Variants in CCDC138 observed in about 807,000 individuals in gnomAD.
The protein encoded by CCDC138 is coiled-coil domain-containing protein 138.
CCDC138 carries 66 observed loss-of-function variants against 82.3 expected under a neutral mutation model. That is an observed-to-expected ratio of 0.80 (90% CI 0.66 to 0.98). The LOEUF is 0.98. Among genes scored for constraint, CCDC138 ranks in the 50% least tolerant of loss-of-function variants. The pLI is 0.00. For missense variants in CCDC138, 816 were observed against 758.9 expected, an observed-to-expected ratio of 1.08 and a Z score of -0.88; for synonymous variants, 297 against 265.4, an observed-to-expected ratio of 1.12 and a Z score of -1.16.
Position 108,839,303 on chromosome 2 carries a change from T to C in CCDC138, c.1323+2T>C. 6.2e-7 allele frequency: 1 copy of C among 1,606,872 alleles called. No individual in the cohort carries two copies. The highest frequency in any genetic ancestry group is 1.3e-5 in the African/African-American group (1 of 74,786). On this transcript the variant is annotated splice_donor_variant, in intron 11 of 14. Coordinates refer to ENST00000295124, the MANE Select transcript of CCDC138 (RefSeq NM_144978.3). LOFTEE classifies it high-confidence loss of function. ...AGGCAGCTAGATGCTGGAGCACAGGTAATTGGTTAATAGGAATTTATCTAT... is the reference window on the plus strand; with the variant it reads ...AGGCAGCTAGATGCTGGAGCACAGGCAATTGGTTAATAGGAATTTATCTAT...
intron 9 of CCDC138, 123 bp downstream of exon 9, chr2:108,813,050 C>T: frequency 3.0e-6 from 2 of 677,950 alleles, no homozygotes; most frequent in South Asian, 3.7e-5. Context: ...GAGATCGAGA[C>T]CATCCTGGCC....
intron 6 of CCDC138, among the ~76,000 whole-genome samples, chr2:108,800,561 C>CA (rs1681738034): frequency 7.0e-6 from 1 of 142,042 alleles, no homozygotes; most frequent in South Asian, 2.2e-4. Context: ...GGCCAGGCCT[C>CA]AGTTTTTTCT....
At chr2:108,798,699 C>G (rs1443914966) in intron 6 of CCDC138, 113 bp downstream of exon 6, 2 of 691,194 alleles carry the variant, frequency 2.9e-6, no homozygotes, top group Non-Finnish European at 4.8e-6. Context: ...TCCTCCTCCT[C>G]TCCACGCCTA....
At chr2:108,835,988 C>T (rs888625510) in intron 10 of CCDC138, among the ~76,000 whole-genome samples, 2 of 152,134 alleles carry the variant, frequency 1.3e-5, no homozygotes, top group Admixed American at 1.3e-4. Flanking sequence ...GAGCCCAGTC[C>T]CACACGCCTT....
chr2:108,812,904 G>A lies in CCDC138; in HGVS notation c.1018G>A (p.Ala340Thr), dbSNP rs901885296. ...HEMKSLKQEKAPVSKTYKVPL... is the reference protein window; with the variant it reads ...HEMKSLKQEKTPVSKTYKVPL... ...AATGAAAAGTTTAAAACAAGAAAAA[G>A]CACCAGTTTCAAAAACTTACAAGGT... is the stretch of plus-strand genomic sequence containing the variant. The change falls in exon 9 of 15, where the codon GCA becomes ACA. Residue 340 changes from alanine to threonine, a missense_variant. Coordinates refer to ENST00000295124, the MANE Select transcript of CCDC138 (RefSeq NM_144978.3). The A allele has an allele frequency of 6.2e-7, 1 of 1,613,256 alleles. No homozygotes were observed. The highest frequency in any genetic ancestry group is 8.5e-7 in the Non-Finnish European group (1 of 1,179,634).
At chr2:108,839,025 C>A in intron 10 of CCDC138, 160 bp from the exon 11 acceptor site, 1 of 289,556 alleles carries the variant, frequency 3.5e-6, no homozygotes, top group Non-Finnish European at 5.1e-6. Flanking sequence ...TACATATTGC[C>A]AAATTGTATT....
chr2:108,838,078 G>T (rs1688868325), intron 10 of CCDC138, among the ~76,000 whole-genome samples: 1 of 152,050 alleles, frequency 6.6e-6, no homozygotes, highest in Non-Finnish European at 1.5e-5. Flanking sequence ...AATAATTTTG[G>T]CAGTACTAAG....
chr2:108,795,104 A>C (rs116170412), intron 5 of CCDC138, among the ~76,000 whole-genome samples: 1 of 149,664 alleles, frequency 6.7e-6, no homozygotes, highest in Non-Finnish European at 1.5e-5. Flanking sequence ...TGAACTCTTA[A>C]CATTTGCTTA....
chr2:108,842,739 G>A (rs1053893699), intron 11 of CCDC138, among the ~76,000 whole-genome samples: 3 of 152,110 alleles, frequency 2.0e-5, no homozygotes, highest in African/African-American at 7.2e-5. Context: ...ATTTAAAACT[G>A]GAAACAGTGT....
chr2:108,871,618 T>C (rs987378242), intron 13 of CCDC138, among the ~76,000 whole-genome samples: 7 of 152,276 alleles, frequency 4.6e-5, no homozygotes, highest in Admixed American at 4.6e-4. Context: ...TTTTTGTACA[T>C]TGTTTATGTT....
At chr2:108,789,888 G>A (rs1470119469) in intron 3 of CCDC138, among the ~76,000 whole-genome samples, 1 of 152,202 alleles carries the variant, frequency 6.6e-6, no homozygotes, top group African/African-American at 2.4e-5. Context: ...CTAAAAATAT[G>A]TGGCAGAAAG....
intron 4 of CCDC138, among the ~76,000 whole-genome samples, chr2:108,792,312 C>G (rs539164178): frequency 4.6e-5 from 7 of 152,308 alleles, no homozygotes; most frequent in African/African-American, 1.7e-4. Flanking sequence ...CCTCTTTTCC[C>G]TCTCCTTTGT....
Position 108,788,201 on chromosome 2 carries a change from C to T in CCDC138, c.151+112C>T. On this transcript the variant is annotated intron_variant, in intron 2 of 14. Coordinates refer to ENST00000295124, the MANE Select transcript of CCDC138 (RefSeq NM_144978.3). ...TGGGAGGCCGAGGCAGGCGAATCAC[C>T]TGAGGTCAGGAGTTCGAGACCACTC... 4.8e-6 allele frequency: 5 copies of T among 1,037,910 alleles called. 1 individual carries two copies. The highest frequency in any genetic ancestry group is 2.8e-5 in the Admixed American group (1 of 35,738). The allele number at this position is 1,037,910 out of a possible 1,614,324, so 64.3% of individuals were successfully genotyped here. A position where few individuals can be genotyped will look rare whatever the true frequency, so the allele number is the denominator to read the frequency against.
chr2:108,854,201 T>C (rs1368954718), intron 12 of CCDC138, among the ~76,000 whole-genome samples: 1 of 148,942 alleles, frequency 6.7e-6, no homozygotes, highest in Non-Finnish European at 1.5e-5. Context: ...AGCAGATTTA[T>C]GTATTTTTAA....
At position 108,813,844 on chromosome 2, in the gene CCDC138, A is replaced by G. The variant is rs552086928; in HGVS notation, c.1041+917A>G. ...GAAATTAGTTTTGCCTGTTTGAGAC[A>G]TTTGGTCAGTGGAATTGTATTGTGT... On this transcript the variant is annotated intron_variant, in intron 9 of 14. Transcript: ENST00000295124. Among the ~76,000 whole-genome samples, 9 of 152,272 alleles carry G rather than the reference A, an allele frequency of 5.9e-5. No individual in the cohort carries two copies. In the East Asian group the frequency reaches 1.7e-3, roughly 29 times the overall value.
downstream of CCDC138, among the ~76,000 whole-genome samples, chr2:108,880,214 CAA>C (rs1249580813): frequency 1.4e-3 from 9 of 6,664 alleles, no homozygotes; most frequent in African/African-American, 2.4e-3. Flanking sequence ...CAACAACAAA[CAA>C]AAACAAACAA....
At chr2:108,868,843 G>A (rs1188064976) in intron 13 of CCDC138, among the ~76,000 whole-genome samples, 1 of 151,990 alleles carries the variant, frequency 6.6e-6, no homozygotes, top group Non-Finnish European at 1.5e-5. Context: ...AAAGAATCTG[G>A]GTTTCTGATG....
At chr2:108,885,289 C>T (rs970206384) in exon 3 of CCDC138, 1 of 152,236 alleles carries the variant, frequency 6.6e-6, no homozygotes, top group South Asian at 2.1e-4. Context: ...GTTTTCCTCT[C>T]ATATAACTTT....
chr2:108,874,243 A>G (rs1417489626), intron 14 of CCDC138, among the ~76,000 whole-genome samples: 1 of 152,138 alleles, frequency 6.6e-6, no homozygotes, highest in Non-Finnish European at 1.5e-5. Flanking sequence ...CAAGCAGAAG[A>G]GATTTGAAAT....
Sources: allele counts gnomAD v4.1 joint callset (sites outside exome capture counted in the v4.1 genomes callset), GRCh38; gene constraint gnomAD v4.1.1; transcripts MANE v1.5; gene names NCBI Gene and HGNC (gene_info 2026-07-23, HGNC 2026-07-21).